DNAH12: variants seen among roughly 807,000 people sequenced by gnomAD.
DNAH12 encodes the protein axonemal beta dynein heavy chain 12.
Under a neutral mutation model 371.5 loss-of-function variants are expected in DNAH12, and 285 were observed. The observed-to-expected ratio is 0.77, with a 90% CI of 0.70 to 0.85. The LOEUF (loss-of-function observed/expected upper bound fraction) is 0.85, where lower values mean the gene tolerates loss of function less well. Ranked by LOEUF, DNAH12 falls within the 40% of genes least tolerant of loss-of-function variation. The pLI, the probability that DNAH12 is intolerant of heterozygous loss-of-function variation, is 0.00. For missense variants in DNAH12, 3,611 were observed against 3,689.4 expected, an observed-to-expected ratio of 0.98 and a Z score of 0.55; for synonymous variants, 1,200 against 1,213.0, an observed-to-expected ratio of 0.99 and a Z score of 0.22.
chr3:57,363,982 T>G (rs945524425), intron 57 of DNAH12, among the ~76,000 whole-genome samples, 196 bp from the exon 58 acceptor site: 13 of 152,138 alleles, frequency 8.5e-5, no homozygotes, highest in African/African-American at 3.1e-4. Flanking sequence ...ACGTAAAATG[T>G]GGCAATAACA....
chr3:57,512,228 T>G (rs2068026131), intron 4 of DNAH12, among the ~76,000 whole-genome samples: 1 of 152,128 alleles, frequency 6.6e-6, no homozygotes, highest in African/African-American at 2.4e-5. Flanking sequence ...TTATGCTAAG[T>G]GAAATAAGCC....
At chr3:57,512,619 G>A (rs2153394667) in intron 4 of DNAH12, 1 of 152,316 alleles carries the variant, frequency 6.6e-6, no homozygotes, top group East Asian at 1.9e-4. Context: ...TGGTGGGAAT[G>A]TAAATTAGTT....
chr3:57,421,646 G>T lies in DNAH12; in HGVS notation c.5434C>A (p.Arg1812Ser). Residue 1812 changes from arginine (R) to serine (S), a missense_variant, in exon 36 of 74, where the codon CGT (arginine) becomes AGT (serine). Arg to Ser is a moderately radical substitution (Grantham distance 110). Coordinates refer to ENST00000495027, the MANE Select transcript of DNAH12 (RefSeq NM_001366028.2). ...AATCGTATGAAAGTATCAAAAACAC[G>T]ACGGCCATCTGTATCACAACTTCCT... ...IGGSCDTDGRRVFDTFIRLII... is the reference protein window; with the variant it reads ...IGGSCDTDGRSVFDTFIRLII... 1 of 1,551,478 alleles carries T rather than the reference G, an allele frequency of 6.4e-7. No individual in the cohort carries two copies. The highest frequency in any genetic ancestry group is 8.7e-7 in the Non-Finnish European group (1 of 1,146,958).
chr3:57,308,151 T>C (rs2061511014), intron 69 of DNAH12, among the ~76,000 whole-genome samples: 1 of 152,206 alleles, frequency 6.6e-6, no homozygotes, highest in South Asian at 2.1e-4. Flanking sequence ...CCTCTTGGTC[T>C]GGGTAGACAC....
rs529127283 is a variant in DNAH12, at chr3:57,427,637, C to T, written c.5253+996G>A. 9.9e-5 allele frequency among the ~76,000 whole-genome samples: 15 copies of T among 152,106 alleles called. No homozygotes were observed. In the South Asian group the frequency reaches 1.7e-3, roughly 17 times the overall value. On this transcript the variant is annotated intron_variant, in intron 34 of 73. Transcript: ENST00000495027. ...CGTGGGAGACAGAGGTTGCGGTGAACCAAGATCGCTCCACTGCGCTCCAGC... is the reference window on the plus strand; with the variant it reads ...CGTGGGAGACAGAGGTTGCGGTGAATCAAGATCGCTCCACTGCGCTCCAGC...
At chr3:57,448,152 T>G (rs532450563) in intron 25 of DNAH12, among the ~76,000 whole-genome samples, 7 of 152,322 alleles carry the variant, frequency 4.6e-5, no homozygotes, top group African/African-American at 1.7e-4. Flanking sequence ...CTCACTGACT[T>G]CAAGAATGAA....
chr3:57,446,733 T>A (rs1032551578), intron 25 of DNAH12, 44 bp from the exon 26 acceptor site: 4 of 1,408,698 alleles, frequency 2.8e-6, no homozygotes, highest in Non-Finnish European at 3.7e-6. Flanking sequence ...TGCTTAAATT[T>A]AAAAAAACAA....
chr3:57,383,406 C>T (rs2063435684), intron 49 of DNAH12, among the ~76,000 whole-genome samples: 1 of 152,020 alleles, frequency 6.6e-6, no homozygotes, highest in Admixed American at 6.6e-5. Flanking sequence ...CATCAAGAAT[C>T]CTATATCAGG....
intron 2 of DNAH12, 93 bp from the exon 3 acceptor site, chr3:57,523,977 G>C: frequency 1.2e-6 from 1 of 831,932 alleles, no homozygotes; most frequent in Non-Finnish European, 1.8e-6. Flanking sequence ...ACTATACTAA[G>C]AGATATTCAA....
chr3:57,337,264 T>A lies in DNAH12; in HGVS notation c.9675-2324A>T, dbSNP rs150004828. Among the ~76,000 whole-genome samples, 550 of 152,256 alleles carry A rather than the reference T, an allele frequency of 3.6e-3. 4 individuals carry two copies. Among genetic ancestry groups the A allele is most frequent in the African/African-American group, 0.013 (525 of 41,550 alleles). ...GCTCACGCCTGTAATCCCAGCACTT[T>A]AGGAGGCCATAGGCAGGAGGACTGC... On this transcript the variant is annotated intron_variant, in intron 60 of 73. Coordinates refer to ENST00000495027, the MANE Select transcript of DNAH12 (RefSeq NM_001366028.2).
At chr3:57,506,199 GGTAA>G (rs2067753183) in intron 8 of DNAH12, among the ~76,000 whole-genome samples, 1 of 152,162 alleles carries the variant, frequency 6.6e-6, no homozygotes, top group South Asian at 2.1e-4. Context: ...GACAGCCAGA[GGTAA>G]GTGTGTAATG....
intron 20 of DNAH12, among the ~76,000 whole-genome samples, chr3:57,459,220 G>T (rs1376900965): frequency 3.3e-5 from 5 of 152,016 alleles, no homozygotes; most frequent in African/African-American, 1.2e-4. Flanking sequence ...AGAATGTCAG[G>T]TGAGTCACCT....
intron 67 of DNAH12, 91 bp from the exon 68 acceptor site, chr3:57,309,945 GCAT>G: frequency 5.2e-6 from 6 of 1,151,162 alleles, no homozygotes; most frequent in Non-Finnish European, 7.1e-6. Context: ...TGCTACTTTG[GCAT>G]AGGGGTTATG....
At chr3:57,417,719 A>C (rs930297156) in intron 37 of DNAH12, among the ~76,000 whole-genome samples, 1 of 152,192 alleles carries the variant, frequency 6.6e-6, no homozygotes, top group East Asian at 1.9e-4. Flanking sequence ...ACTCATGCCC[A>C]TTCCTTCTTC....
At chr3:57,536,845 A>G (rs1297234820) in intron 2 of DNAH12, among the ~76,000 whole-genome samples, 1 of 152,206 alleles carries the variant, frequency 6.6e-6, no homozygotes, top group African/African-American at 2.4e-5. Flanking sequence ...CCTACTGGCT[A>G]TAAATAAAAA....
At chr3:57,450,502 C>T (rs542750657) in intron 25 of DNAH12, among the ~76,000 whole-genome samples, 2 of 152,306 alleles carry the variant, frequency 1.3e-5, no homozygotes, top group African/African-American at 4.8e-5. Flanking sequence ...AAGCCGAGAT[C>T]GCACCATTGC....
At chr3:57,470,293 C>T (rs1005545937) in intron 16 of DNAH12, 150 bp downstream of exon 16, 7 of 732,388 alleles carry the variant, frequency 9.6e-6, no homozygotes. Context: ...CTTAGCAGCA[C>T]TGGATGTTTC....
intron 29 of DNAH12, among the ~76,000 whole-genome samples, chr3:57,438,224 T>C (rs956602905): frequency 6.6e-6 from 1 of 152,050 alleles, no homozygotes; most frequent in Non-Finnish European, 1.5e-5. Flanking sequence ...GGCAGGAGAA[T>C]CGCTTGAACC....
chr3:57,309,510 G>T (rs1477708847), intron 68 of DNAH12, among the ~76,000 whole-genome samples, 156 bp downstream of exon 68: 1 of 152,116 alleles, frequency 6.6e-6, no homozygotes, highest in African/African-American at 2.4e-5. Flanking sequence ...AAAAAAATTG[G>T]TAGTATTATC....
Sources: allele counts gnomAD v4.1 joint callset (sites outside exome capture counted in the v4.1 genomes callset), GRCh38; gene constraint gnomAD v4.1.1; transcripts MANE v1.5; gene names NCBI Gene and HGNC (gene_info 2026-07-23, HGNC 2026-07-21).